ZNF420: variants seen among roughly 807,000 people sequenced by gnomAD.
ZNF420 encodes the protein zinc finger protein 420.
Under a neutral mutation model 44.7 loss-of-function variants are expected in ZNF420, and 31 were observed. The observed-to-expected ratio is 0.69, with a 90% CI of 0.52 to 0.94. The LOEUF is 0.94. Ranked by LOEUF, ZNF420 falls within the 40% of genes least tolerant of loss-of-function variation. ZNF420 has a pLI of 0.00. For missense variants in ZNF420, 681 were observed against 827.9 expected (o/e 0.82, Z 2.18); for synonymous variants, 245 against 267.4 (o/e 0.92, Z 0.82).
chr19:37,051,705 G>C (rs183506217), intron 1 of ZNF420, among the ~76,000 whole-genome samples: 78 of 152,146 alleles, frequency 5.1e-4, no homozygotes, highest in Non-Finnish European at 1.0e-3. Flanking sequence ...AGGGTTTTTT[G>C]TGTCTCTATT....
chr19:37,069,213 C>A (rs1161846308), intron 1 of ZNF420, among the ~76,000 whole-genome samples: 1 of 152,110 alleles, frequency 6.6e-6, no homozygotes, highest in East Asian at 1.9e-4. Context: ...TCGGGCAAAT[C>A]TCGAAAACTT....
chr19:37,072,334 C>G (rs754438617), intron 1 of ZNF420, among the ~76,000 whole-genome samples: 1 of 152,142 alleles, frequency 6.6e-6, no homozygotes, highest in Non-Finnish European at 1.5e-5. Context: ...CTAAAGAAAG[C>G]TACAATCAGA....
At chr19:37,110,885 G>A (rs1970352482) in intron 4 of ZNF420, among the ~76,000 whole-genome samples, 1 of 152,090 alleles carries the variant, frequency 6.6e-6, no homozygotes, top group Admixed American at 6.5e-5. Flanking sequence ...AAAACTGGAG[G>A]ATTTTTGTTT....
chr19:37,128,985 A>G lies in ZNF420; in HGVS notation c.1994A>G (p.His665Arg), dbSNP rs758727260. The change falls in exon 5 of 5, where the codon CAT (histidine) becomes CGT (arginine). Residue 665 changes from histidine to arginine, a missense_variant. By Grantham distance (29) the His-to-Arg change is conservative (BLOSUM62 0). This residue lies in a region of ZNF420 where 280 missense variants were observed against 338.6 expected (regional missense o/e 0.83). Coordinates refer to ENST00000337995, the MANE Select transcript of ZNF420 (RefSeq NM_144689.5). ...GSQLTQHQRI[H>R]ISEKSFEYKE... ...CAGCTAACTCAACATCAGAGAATTC[A>G]TATCAGTGAGAAATCTTTTGAATAT... 11 of 1,614,000 alleles carry G rather than the reference A, an allele frequency of 6.8e-6. No homozygotes were observed. Among genetic ancestry groups the G allele is most frequent in the South Asian group, 1.1e-5 (1 of 91,090 alleles).
chr19:37,018,223 T>C (rs1457677395), intron 1 of ZNF420, among the ~76,000 whole-genome samples: 1 of 152,212 alleles, frequency 6.6e-6, no homozygotes, highest in African/African-American at 2.4e-5. Context: ...GTCAATACTA[T>C]CTAAAGCCAT....
chr19:37,109,009 A>G (rs1568464087), intron 4 of ZNF420, among the ~76,000 whole-genome samples: 2 of 152,148 alleles, frequency 1.3e-5, no homozygotes, highest in Non-Finnish European at 1.5e-5. Flanking sequence ...ATGATCTTTG[A>G]TAAGAAAAGT....
chr19:37,029,518 AT>A (rs1568423613), intron 1 of ZNF420, among the ~76,000 whole-genome samples: 1 of 150,066 alleles, frequency 6.7e-6, no homozygotes, highest in South Asian at 2.1e-4. Context: ...GAATCCTTTA[AT>A]TTTTTTTCTT....
chr19:37,083,024 C>A (rs1217532117), intron 2 of ZNF420, among the ~76,000 whole-genome samples: 5 of 140,478 alleles, frequency 3.6e-5, no homozygotes, highest in Admixed American at 1.4e-4. Context: ...CCATGCCCAG[C>A]TAATTTTTTG....
chr19:37,129,965 C>G lies in ZNF420; in HGVS notation c.*907C>G. On this transcript the variant is annotated 3_prime_UTR_variant, in exon 5 of 5. Transcript: ENST00000337995. ...TGAAAAATGATGAGAGTTTGTGATA[C>G]AGACTGCTTTTTTCCTACCCTATAT... 7.0e-7 allele frequency: 1 copy of G among 1,434,230 alleles called. No homozygotes were observed. Among genetic ancestry groups the G allele is most frequent in the Non-Finnish European group, 9.2e-7 (1 of 1,091,746 alleles). 88.8% of individuals were successfully genotyped at this position (1,434,230 alleles called of 1,614,324 possible).
At chr19:37,036,730 T>C (rs1967361271) in intron 1 of ZNF420, among the ~76,000 whole-genome samples, 6 of 152,190 alleles carry the variant, frequency 3.9e-5, no homozygotes, top group Admixed American at 3.9e-4. Context: ...CATCCAAGCA[T>C]ATAGAGCTCA....
At chr19:37,088,775 C>T (rs752896889) in intron 2 of ZNF420, among the ~76,000 whole-genome samples, 1 of 152,070 alleles carries the variant, frequency 6.6e-6, no homozygotes, top group Non-Finnish European at 1.5e-5. Flanking sequence ...TGTTCATTAT[C>T]TCCATTTTTG....
chr19:37,095,732 G>T (rs972504129), intron 4 of ZNF420, among the ~76,000 whole-genome samples: 2 of 152,102 alleles, frequency 1.3e-5, no homozygotes, highest in Non-Finnish European at 2.9e-5. Flanking sequence ...CCCAGTAGCT[G>T]GGATTACAGG....
chr19:37,042,737 G>A (rs1967478080), intron 1 of ZNF420, among the ~76,000 whole-genome samples: 1 of 152,026 alleles, frequency 6.6e-6, no homozygotes, highest in Non-Finnish European at 1.5e-5. Context: ...TTTCCTTTGA[G>A]AACTTTTTCT....
At chr19:37,122,829 T>A (rs750379377) in intron 4 of ZNF420, among the ~76,000 whole-genome samples, 23 of 152,174 alleles carry the variant, frequency 1.5e-4, no homozygotes, top group Non-Finnish European at 2.2e-4. Context: ...TCATCAAATC[T>A]TGTAGCTTTA....
chr19:37,083,179 T>A (rs1040177563), intron 2 of ZNF420, among the ~76,000 whole-genome samples: 5 of 152,032 alleles, frequency 3.3e-5, no homozygotes, highest in Non-Finnish European at 5.9e-5. Context: ...TTTTTTTTTT[T>A]TTTTATTTTA....
intron 1 of ZNF420, among the ~76,000 whole-genome samples, chr19:37,062,468 T>A (rs1429210838): frequency 6.6e-6 from 1 of 152,238 alleles, no homozygotes; most frequent in Non-Finnish European, 1.5e-5. Context: ...GGCTTTTTTA[T>A]GAAAGACAGT....
intron 1 of ZNF420, among the ~76,000 whole-genome samples, chr19:37,029,484 G>C (rs1319441827): frequency 6.6e-6 from 1 of 151,934 alleles, no homozygotes; most frequent in African/African-American, 2.4e-5. Flanking sequence ...GCTCACTTGA[G>C]AGTCAATATT....
At chr19:37,009,035 A>T (rs8111543) in intron 1 of ZNF420, among the ~76,000 whole-genome samples, 2,125 of 152,212 alleles carry the variant, frequency 0.014, 23 homozygotes, top group African/African-American at 0.025. Flanking sequence ...ATGGCTGCGT[A>T]GTTTCCCTAC....
At position 37,127,941 on chromosome 19, in the gene ZNF420, T is replaced by C. The variant is rs1971446713; in HGVS notation, c.950T>C (p.Ile317Thr). 6.2e-7 allele frequency: 1 copy of C among 1,612,716 alleles called. No individual in the cohort carries two copies. Reference protein sequence around the residue: ...YECKECGKAFICGSQLSQHQK... With the variant: ...YECKECGKAFTCGSQLSQHQK... ...TGTAAGGAATGTGGAAAAGCTTTTA[T>C]TTGTGGCTCACAGCTTTCTCAACAT... The change falls in exon 5 of 5, where the codon ATT becomes ACT. Residue 317 changes from isoleucine to threonine, a missense_variant. Physicochemically the swap from Ile to Thr is moderately conservative, Grantham distance 89. Coordinates refer to ENST00000337995, the MANE Select transcript of ZNF420 (RefSeq NM_144689.5).
Sources: gnomAD v4.1 joint callset for allele counts (sites outside exome capture counted in the v4.1 genomes callset) on GRCh38, gnomAD v4.1.1 for gene constraint, gnomAD v4.1.1 regional missense constraint, MANE v1.5 for transcripts, NCBI Gene and HGNC (gene_info 2026-07-23, HGNC 2026-07-21) for gene names.